Variants in LRBA observed in about 807,000 individuals in gnomAD.
LRBA encodes LPS responsive beige-like anchor protein, also known as lipopolysaccharide-responsive and beige-like anchor protein.
LRBA carries 176 observed loss-of-function variants against 330.0 expected under a neutral mutation model. That is an observed-to-expected ratio of 0.53 (90% confidence interval 0.47 to 0.60). The LOEUF (loss-of-function observed/expected upper bound fraction) is 0.60, where lower values mean the gene tolerates loss of function less well. LRBA is among the 20% of genes least tolerant of loss of function. LRBA has a pLI of 0.00. For missense variants in LRBA, 3,259 were observed against 3,444.8 expected, an observed-to-expected ratio of 0.95 and a Z score of 1.35; for synonymous variants, 1,230 against 1,193.0, an observed-to-expected ratio of 1.03 and a Z score of -0.64.
chr4:150,906,499 A>G, intron 11 of LRBA, 94 bp from the exon 12 acceptor site: 1 of 641,620 alleles, frequency 1.6e-6, no homozygotes, highest in Middle Eastern at 3.8e-4. Flanking sequence ...CACCTTAATA[A>G]AAAGTTCTCC....
intron 2 of LRBA, among the ~76,000 whole-genome samples, chr4:150,968,734 A>G (rs1739188497): frequency 6.6e-6 from 1 of 152,238 alleles, no homozygotes. Flanking sequence ...GAGATAACTG[A>G]TAAAGGTGGC....
Position 150,905,897 on chromosome 4 carries a change from T to G in LRBA, c.1696A>C (p.Lys566Gln). ...SNLQNGMPLL[K>Q]QLCDHVLLNP... Reference sequence around the variant, plus strand: ...AGAAGAACGTGATCACACAATTGCTTGAGCAGGGGCATCCCATTCTGCAGA... The same window carrying G: ...AGAAGAACGTGATCACACAATTGCTGGAGCAGGGGCATCCCATTCTGCAGA... The change falls in exon 13 of 57, where the codon AAG becomes CAG. Residue 566 changes from lysine to glutamine, a missense_variant. By Grantham distance (53) the Lys-to-Gln change is moderately conservative. Coordinates refer to ENST00000651943, the MANE Select transcript of LRBA (RefSeq NM_001364905.1). 6.2e-7 allele frequency: 1 copy of G among 1,613,770 alleles called. No homozygotes were observed. Among genetic ancestry groups the G allele is most frequent in the Non-Finnish European group, 8.5e-7 (1 of 1,179,746 alleles).
rs373299076 is a variant in LRBA at position 151,009,527 on chromosome 4, G to A, written c.216+4900C>T. ...TCGCGCCACTGCACTCCAGCCTGGT[G>A]AGGGAGCAAGACTCTGTCTCAAAAA... On this transcript the variant is annotated intron_variant, in intron 2 of 56. Transcript: ENST00000651943. 2.9e-4 allele frequency among the ~76,000 whole-genome samples: 44 copies of A among 149,898 alleles called. 1 individual carries two copies. The South Asian group carries it at 9.3e-3, about 32-fold the overall frequency.
At chr4:150,905,308 T>C (rs1216016646) in intron 13 of LRBA, among the ~76,000 whole-genome samples, 1 of 151,976 alleles carries the variant, frequency 6.6e-6, no homozygotes, top group African/African-American at 2.4e-5. Flanking sequence ...CAGTGGTACC[T>C]ATAAGAATGA....
intron 53 of LRBA, among the ~76,000 whole-genome samples, chr4:150,295,158 G>A (rs369975499): frequency 1.3e-5 from 2 of 148,926 alleles, no homozygotes; most frequent in East Asian, 4.0e-4. Flanking sequence ...TGAAGGTACA[G>A]TACAGTAATT....
At chr4:150,490,844 A>AT (rs1758826537) in intron 41 of LRBA, 74 bp downstream of exon 41, 1 of 763,864 alleles carries the variant, frequency 1.3e-6, no homozygotes, top group Admixed American at 2.1e-5. Flanking sequence ...TTGAAGCAAT[A>AT]TGGTATGTTC....
intron 47 of LRBA, among the ~76,000 whole-genome samples, chr4:150,368,560 C>A (rs1460089506): frequency 1.3e-5 from 2 of 152,214 alleles, no homozygotes; most frequent in South Asian, 2.1e-4. Context: ...ATGTAACAAT[C>A]TAAGGAATAC....
intron 22 of LRBA, among the ~76,000 whole-genome samples, chr4:150,863,815 A>T (rs562969062): frequency 1.1e-3 from 160 of 152,330 alleles, no homozygotes; most frequent in African/African-American, 3.8e-3. Flanking sequence ...GATATCACCT[A>T]ATCCAACTCC....
At chr4:150,680,946 C>A (rs2126904891) in intron 37 of LRBA, among the ~76,000 whole-genome samples, 1 of 152,162 alleles carries the variant, frequency 6.6e-6, no homozygotes, top group South Asian at 2.1e-4. Context: ...CCTACATAAC[C>A]ATGGCTACAA....
intron 40 of LRBA, among the ~76,000 whole-genome samples, chr4:150,519,818 A>G (rs2152161981): frequency 6.6e-6 from 1 of 152,290 alleles, no homozygotes; most frequent in East Asian, 1.9e-4. Flanking sequence ...CCCATCTGCA[A>G]TTGATAGGAG....
intron 37 of LRBA, among the ~76,000 whole-genome samples, chr4:150,600,009 A>G (rs1773956679): frequency 1.3e-5 from 2 of 152,154 alleles, no homozygotes; most frequent in African/African-American, 4.8e-5. Context: ...TTCAAATTCT[A>G]TATTTCCCCT....
intron 52 of LRBA, among the ~76,000 whole-genome samples, chr4:150,307,562 AT>A (rs1467250651): frequency 2.7e-4 from 40 of 150,618 alleles, no homozygotes; most frequent in African/African-American, 9.9e-4. Flanking sequence ...CTCTATAAAA[AT>A]TTAAAAAAAA....
chr4:150,604,920 G>A (rs1419680844), intron 37 of LRBA, among the ~76,000 whole-genome samples: 1 of 152,166 alleles, frequency 6.6e-6, no homozygotes, highest in African/African-American at 2.4e-5. Flanking sequence ...CACTATCAGT[G>A]GCAGTTGCAC....
At chr4:150,980,318 A>G (rs1203339741) in intron 2 of LRBA, among the ~76,000 whole-genome samples, 1 of 152,222 alleles carries the variant, frequency 6.6e-6, no homozygotes, top group Non-Finnish European at 1.5e-5. Context: ...GGGAGAGAAG[A>G]GGCATACCTC....
intron 5 of LRBA, among the ~76,000 whole-genome samples, chr4:150,917,207 C>T (rs1732731001): frequency 6.6e-6 from 1 of 151,834 alleles, no homozygotes; most frequent in Non-Finnish European, 1.5e-5. Flanking sequence ...GAAGAAGACT[C>T]TTTATCAGGA....
At chr4:150,968,002 CT>C (rs35023986) in intron 2 of LRBA, among the ~76,000 whole-genome samples, 12,087 of 125,996 alleles carry the variant, frequency 0.096, 479 homozygotes, top group South Asian at 0.22. Context: ...ATTTGCACAT[CT>C]TTTTTTTTTT....
rs958302229 is a variant in LRBA at position 150,933,471 on chromosome 4, T to C, written c.217-4406A>G. On this transcript the variant is annotated intron_variant, in intron 2 of 56. Coordinates refer to ENST00000651943, the MANE Select transcript of LRBA (RefSeq NM_001364905.1). The stretch of plus-strand genomic sequence containing the variant: ...ACTCCACATGATATGAAAAGATCTC[T>C]AAGATACTGTGAGAAAATCAAGGTG... Among the ~76,000 whole-genome samples, 4 of 152,018 alleles carry C rather than the reference T, an allele frequency of 2.6e-5. No homozygotes were observed. The South Asian group carries it at 8.3e-4, about 32-fold the overall frequency.
At chr4:150,386,551 G>A (rs1743092767) in intron 47 of LRBA, among the ~76,000 whole-genome samples, 1 of 151,814 alleles carries the variant, frequency 6.6e-6, no homozygotes, top group African/African-American at 2.4e-5. Context: ...GTTTGCTGAG[G>A]ATAATGGCCT....
chr4:150,293,867 T>C (rs10010611), intron 53 of LRBA, among the ~76,000 whole-genome samples: 14,211 of 152,288 alleles, frequency 0.093, 945 homozygotes, highest in South Asian at 0.23. Flanking sequence ...TATGATGATC[T>C]ACTTCCACTT....
Sources: allele counts gnomAD v4.1 joint callset (sites outside exome capture counted in the v4.1 genomes callset), GRCh38; gene constraint gnomAD v4.1.1; transcripts MANE v1.5; gene names NCBI Gene and HGNC (gene_info 2026-07-23, HGNC 2026-07-21).